Variants in LINGO2 observed in about 807,000 individuals in gnomAD.
LINGO2 encodes leucine rich repeat and Ig domain containing 2.
In LINGO2, 14 loss-of-function variants were observed where a neutral mutation model predicts 30.6. The ratio of observed to expected loss-of-function variants is 0.46; its 90% confidence interval spans 0.30 to 0.72. The LOEUF (loss-of-function observed/expected upper bound fraction) is 0.72. Ranked by LOEUF, LINGO2 falls within the 30% of genes least tolerant of loss-of-function variation. The pLI is 0.07. For missense variants in LINGO2, 729 were observed against 751.7 expected, an observed-to-expected ratio of 0.97 and a Z score of 0.35; for synonymous variants, 317 against 288.5, an observed-to-expected ratio of 1.10 and a Z score of -1.00.
the LINGO2 span, among the ~76,000 whole-genome samples, chr9:29,158,678 C>T: frequency 6.6e-6 from 1 of 152,074 alleles, no homozygotes; most frequent in Non-Finnish European, 1.5e-5. Context: ...CAGCCATTAC[C>T]ACATTTTTCC....
intron 4 of LINGO2, among the ~76,000 whole-genome samples, chr9:28,253,261 C>G (rs1822268015): frequency 6.6e-6 from 1 of 152,024 alleles, no homozygotes; most frequent in Non-Finnish European, 1.5e-5. Flanking sequence ...AGGATATTGA[C>G]AGGTGCCCAA....
chr9:29,108,876 T>C, the LINGO2 span, among the ~76,000 whole-genome samples: 43 of 152,310 alleles, frequency 2.8e-4, no homozygotes, highest in African/African-American at 9.6e-4. Context: ...GATTGCAAAG[T>C]CTGTTTATGA....
chr9:28,876,950 G>GC, the LINGO2 span, among the ~76,000 whole-genome samples: 1 of 152,122 alleles, frequency 6.6e-6, no homozygotes, highest in Non-Finnish European at 1.5e-5. Flanking sequence ...ATTCTAACTG[G>GC]TGTGAGATGG....
intron 4 of LINGO2, among the ~76,000 whole-genome samples, chr9:28,292,343 G>A (rs1245453978): frequency 6.6e-6 from 1 of 152,096 alleles, no homozygotes; most frequent in African/African-American, 2.4e-5. Context: ...TGGATTAAGT[G>A]AATTATTTTA....
intron 4 of LINGO2, among the ~76,000 whole-genome samples, chr9:28,054,218 G>T (rs1248937818): frequency 1.3e-5 from 2 of 152,086 alleles, no homozygotes; most frequent in Non-Finnish European, 2.9e-5. Context: ...AATAGTGCCA[G>T]ACAGAAAAAT....
rs544742246 is a variant in LINGO2, at chr9:28,460,787, C to T, written c.-279+15153G>A. Among the ~76,000 whole-genome samples the T allele has an allele frequency of 2.0e-5, 3 of 152,118 alleles. No homozygotes were observed. The East Asian group carries it at 5.8e-4, about 29-fold the overall frequency. ...TGGTATTCTACAGCAATGAATTCCT[C>T]CCAGCCTGGAGGGCAAGTGTGTGGT... is the stretch of plus-strand genomic sequence containing the variant. On this transcript the variant is annotated intron_variant, in intron 2 of 5. Transcript: ENST00000379992.
At chr9:28,059,355 C>T (rs116426567) in intron 4 of LINGO2, among the ~76,000 whole-genome samples, 1 of 152,046 alleles carries the variant, frequency 6.6e-6, no homozygotes, top group East Asian at 1.9e-4. Context: ...CTAGTGATGC[C>T]CCCCCACCCC....
the LINGO2 span, among the ~76,000 whole-genome samples, chr9:29,140,325 T>C: frequency 1.3e-5 from 2 of 151,644 alleles, no homozygotes; most frequent in South Asian, 2.1e-4. Flanking sequence ...AAGAACAAAA[T>C]GAGAATACCA....
intron 1 of LINGO2, among the ~76,000 whole-genome samples, chr9:28,613,432 T>C (rs925479528): frequency 6.6e-6 from 1 of 151,934 alleles, no homozygotes; most frequent in African/African-American, 2.4e-5. Flanking sequence ...ACTACATATA[T>C]ATATTTGCCT....
chr9:28,283,310 ACC>A, intron 4 of LINGO2, among the ~76,000 whole-genome samples: 1 of 152,294 alleles, frequency 6.6e-6, no homozygotes, highest in Non-Finnish European at 1.5e-5. Context: ...GAAAAGGAAA[ACC>A]AGATGATTGT....
At chr9:28,723,602 G>T in the LINGO2 span, among the ~76,000 whole-genome samples, 43 of 152,146 alleles carry the variant, frequency 2.8e-4, no homozygotes, top group South Asian at 8.9e-3. Flanking sequence ...TGGTGAACTC[G>T]TCAGTGCTAG....
At chr9:28,523,545 T>C (rs1196293717) in intron 1 of LINGO2, among the ~76,000 whole-genome samples, 1 of 152,136 alleles carries the variant, frequency 6.6e-6, no homozygotes, top group Non-Finnish European at 1.5e-5. Context: ...TAATCTTACA[T>C]ACAGAAAATT....
intron 4 of LINGO2, among the ~76,000 whole-genome samples, chr9:28,031,185 G>GTGT (rs1823651646): frequency 3.9e-5 from 6 of 152,068 alleles, no homozygotes; most frequent in Admixed American, 3.9e-4. Context: ...TGGAGGCCGA[G>GTGT]ACTATATAAA....
At chr9:28,797,976 T>A in the LINGO2 span, among the ~76,000 whole-genome samples, 1 of 151,754 alleles carries the variant, frequency 6.6e-6, no homozygotes, top group African/African-American at 2.4e-5. Flanking sequence ...TGAAGAGAGA[T>A]TGAGGGAACT....
chr9:28,355,772 C>T (rs1820183430), intron 3 of LINGO2, among the ~76,000 whole-genome samples: 1 of 152,048 alleles, frequency 6.6e-6, no homozygotes, highest in Non-Finnish European at 1.5e-5. Context: ...TCACACTGTA[C>T]TCTTTGGGAA....
chr9:28,237,691 A>G (rs979007519), intron 4 of LINGO2, among the ~76,000 whole-genome samples: 1 of 152,040 alleles, frequency 6.6e-6, no homozygotes, highest in African/African-American at 2.4e-5. Flanking sequence ...CAGCTCTACT[A>G]AAAATACAGA....
At chr9:28,974,224 G>A in the LINGO2 span, among the ~76,000 whole-genome samples, 3 of 152,136 alleles carry the variant, frequency 2.0e-5, no homozygotes, top group East Asian at 1.9e-4. Context: ...GGCCAATATA[G>A]TGAAACCCCA....
chr9:28,149,354 C>T (rs1423329803), intron 4 of LINGO2: 63 of 446,370 alleles, frequency 1.4e-4, no homozygotes, highest in Middle Eastern at 1.2e-3. Context: ...GCTGCTCCAC[C>T]GTCTGGGAAG....
chr9:28,757,212 A>G, the LINGO2 span, among the ~76,000 whole-genome samples: 5 of 152,102 alleles, frequency 3.3e-5, no homozygotes, highest in African/African-American at 1.2e-4. Flanking sequence ...CCAAACTGAA[A>G]TTGAACTTGG....
Sources: allele counts gnomAD v4.1 joint callset (sites outside exome capture counted in the v4.1 genomes callset), GRCh38; gene constraint gnomAD v4.1.1; transcripts MANE v1.5; gene names NCBI Gene and HGNC (gene_info 2026-07-23, HGNC 2026-07-21).